Variants in SLC26A7 observed in about 807,000 individuals in gnomAD.
SLC26A7 encodes solute carrier family 26 member 7.
Under a neutral mutation model 82.5 loss-of-function variants are expected in SLC26A7, and 59 were observed. The observed-to-expected ratio is 0.72, with a 90% confidence interval of 0.58 to 0.89. The LOEUF (loss-of-function observed/expected upper bound fraction) is 0.89, where lower values mean the gene tolerates loss of function less well. Ranked by LOEUF, SLC26A7 falls within the 40% of genes least tolerant of loss-of-function variation. SLC26A7 has a pLI of 0.00. For missense variants in SLC26A7, 820 were observed against 793.0 expected, an observed-to-expected ratio of 1.03 and a Z score of -0.41; for synonymous variants, 271 against 274.3, an observed-to-expected ratio of 0.99 and a Z score of 0.12.
At chr8:91,333,663 T>C (rs1192063449) in intron 5 of SLC26A7, among the ~76,000 whole-genome samples, 1 of 152,146 alleles carries the variant, frequency 6.6e-6, no homozygotes, top group Non-Finnish European at 1.5e-5. Context: ...TAATGTATTG[T>C]TTTACTTAGC....
chr8:91,280,114 A>T (rs1379599429), intron 2 of SLC26A7, among the ~76,000 whole-genome samples: 2 of 152,120 alleles, frequency 1.3e-5, no homozygotes, highest in South Asian at 2.1e-4. Context: ...ATGTAATCCC[A>T]TTAGTCTATT....
intron 2 of SLC26A7, among the ~76,000 whole-genome samples, chr8:91,221,881 A>G (rs748697797): frequency 4.0e-5 from 6 of 150,542 alleles, no homozygotes; most frequent in Non-Finnish European, 7.4e-5. Flanking sequence ...TATGAAATTT[A>G]AAATAGTTTT....
chr8:91,271,872 G>A (rs1811281866), intron 2 of SLC26A7, among the ~76,000 whole-genome samples: 2 of 152,150 alleles, frequency 1.3e-5, no homozygotes, highest in African/African-American at 2.4e-5. Flanking sequence ...GGGATTACAG[G>A]CGTGAGCCAC....
intron 3 of SLC26A7, among the ~76,000 whole-genome samples, chr8:91,293,922 A>T (rs1046499288): frequency 1.3e-5 from 2 of 152,174 alleles, no homozygotes; most frequent in Non-Finnish European, 2.9e-5. Context: ...TCTATGGTGA[A>T]TATTCTCTAC....
intron 15 of SLC26A7, among the ~76,000 whole-genome samples, chr8:91,372,127 A>G (rs188592096): frequency 9.2e-5 from 14 of 151,956 alleles, no homozygotes; most frequent in African/African-American, 3.4e-4. Context: ...TAGATTCTAA[A>G]TATTAGTCCT....
At chr8:91,234,946 G>A (rs1350385716) in intron 2 of SLC26A7, among the ~76,000 whole-genome samples, 1 of 148,846 alleles carries the variant, frequency 6.7e-6, no homozygotes, top group Non-Finnish European at 1.5e-5. Flanking sequence ...TTGAGGCAGG[G>A]TTTTCCTCTG....
intron 16 of SLC26A7, among the ~76,000 whole-genome samples, chr8:91,391,834 A>G (rs1381973438): frequency 1.3e-5 from 2 of 151,732 alleles, no homozygotes; most frequent in African/African-American, 4.8e-5. Context: ...AAAGGCCAGT[A>G]TGGTTTTTGT....
chr8:91,373,376 T>A (rs1814420318), intron 15 of SLC26A7, among the ~76,000 whole-genome samples: 1 of 152,024 alleles, frequency 6.6e-6, no homozygotes, highest in African/African-American at 2.4e-5. Flanking sequence ...AGATTGCTTT[T>A]ATTATTTTGA....
chr8:91,215,382 A>G (rs868093608), intron 1 of SLC26A7, among the ~76,000 whole-genome samples: 10 of 152,162 alleles, frequency 6.6e-5, no homozygotes, highest in African/African-American at 2.4e-4. Context: ...TTAATTTCTC[A>G]AAGTTTAAAA....
intron 15 of SLC26A7, among the ~76,000 whole-genome samples, chr8:91,386,701 G>A (rs1277237446): frequency 6.6e-6 from 1 of 152,086 alleles, no homozygotes; most frequent in Non-Finnish European, 1.5e-5. Context: ...TGGTGGAGAA[G>A]TTCTGATCTG....
intron 2 of SLC26A7, among the ~76,000 whole-genome samples, chr8:91,264,112 A>G (rs977733180): frequency 1.3e-5 from 2 of 152,090 alleles, no homozygotes; most frequent in African/African-American, 4.8e-5. Flanking sequence ...TCCAGAGGAC[A>G]GCTAGTTAGT....
intron 8 of SLC26A7, 81 bp downstream of exon 8, chr8:91,340,632 A>G (rs1443055912): frequency 1.3e-6 from 2 of 1,559,794 alleles, no homozygotes; most frequent in Non-Finnish European, 8.8e-7. Context: ...TGATGAACTT[A>G]TGAAAAATAA....
rs184990054 is a variant in SLC26A7, at chr8:91,299,106, T to G, written c.477+3403T>G. Among the ~76,000 whole-genome samples the G allele has an allele frequency of 9.7e-4, 148 of 152,344 alleles. 1 individual carries two copies. The highest frequency in any genetic ancestry group is 3.7e-3 in the Admixed American group (56 of 15,306). Reference sequence around the variant, plus strand: ...TCATATGTTTAAGATCATTTTGTGCTAATTTTGTGAATTGTCTATTTATAT... The same window carrying G: ...TCATATGTTTAAGATCATTTTGTGCGAATTTTGTGAATTGTCTATTTATAT... On this transcript the variant is annotated intron_variant, in intron 4 of 18. Coordinates refer to ENST00000276609, the MANE Select transcript of SLC26A7 (RefSeq NM_052832.4).
chr8:91,354,784 G>T (rs1813816011), intron 11 of SLC26A7, among the ~76,000 whole-genome samples: 2 of 152,112 alleles, frequency 1.3e-5, no homozygotes, highest in Non-Finnish European at 1.5e-5. Context: ...ATGTGGATCA[G>T]TTGGAATGAC....
chr8:91,363,787 A>G (rs905846117), intron 13 of SLC26A7, among the ~76,000 whole-genome samples: 4 of 152,152 alleles, frequency 2.6e-5, no homozygotes, highest in Non-Finnish European at 5.9e-5. Flanking sequence ...ACCTAGAACT[A>G]CAGTTCACTG....
intron 2 of SLC26A7, among the ~76,000 whole-genome samples, chr8:91,224,601 G>C (rs1810208791): frequency 6.6e-6 from 1 of 152,170 alleles, no homozygotes. Flanking sequence ...CCCAACCCCT[G>C]ATGCCAGTAG....
chr8:91,364,527 C>G (rs935852992), intron 13 of SLC26A7, among the ~76,000 whole-genome samples: 1 of 152,128 alleles, frequency 6.6e-6, no homozygotes, highest in Non-Finnish European at 1.5e-5. Flanking sequence ...CTTTGCCTTT[C>G]TTTTCTTTCC....
At chr8:91,232,058 T>A (rs1474262173) in intron 2 of SLC26A7, among the ~76,000 whole-genome samples, 1 of 152,192 alleles carries the variant, frequency 6.6e-6, no homozygotes, top group Non-Finnish European at 1.5e-5. Flanking sequence ...AGCTCACAAG[T>A]TCTTTTAGGA....
intron 2 of SLC26A7, among the ~76,000 whole-genome samples, chr8:91,228,079 A>G (rs1810260481): frequency 6.6e-6 from 1 of 152,226 alleles, no homozygotes; most frequent in Non-Finnish European, 1.5e-5. Flanking sequence ...CTGAAGTCCA[A>G]AAGGGATCTG....
Sources: gnomAD v4.1 joint callset for allele counts (sites outside exome capture counted in the v4.1 genomes callset) on GRCh38, gnomAD v4.1.1 for gene constraint, MANE v1.5 for transcripts, NCBI Gene and HGNC (gene_info 2026-07-23, HGNC 2026-07-21) for gene names.